Variants in ABCC4 observed in about 807,000 individuals in gnomAD.
The protein encoded by ABCC4 is ATP-binding cassette sub-family C member 4.
In ABCC4, 102 loss-of-function variants were observed where a neutral mutation model predicts 168.5. The observed-to-expected ratio is 0.61, with a 90% CI of 0.52 to 0.71. The LOEUF (loss-of-function observed/expected upper bound fraction) is 0.71, where lower values mean the gene tolerates loss of function less well. Ranked by LOEUF, ABCC4 falls within the 30% of genes least tolerant of loss-of-function variation. The probability of loss-of-function intolerance (pLI) is 0.00; values close to 1 mark genes in which losing one functional copy is unlikely to be tolerated. For synonymous variants in ABCC4, 617 were observed against 590.7 expected (o/e 1.04, Z -0.65); for missense variants, 1,402 against 1,605.8 (o/e 0.87, Z 2.17).
chr13:95,244,629 G>GAAAGAAAGAAAGAA lies in ABCC4; in HGVS notation c.306+2332_306+2345dup, dbSNP rs1388935409. 2.1e-4 allele frequency among the ~76,000 whole-genome samples: 16 copies of GAAAGAAAGAAAGAA among 76,204 alleles called. 5 individuals carry two copies. Among genetic ancestry groups the GAAAGAAAGAAAGAA allele is most frequent in the African/African-American group, 9.9e-4 (16 of 16,130 alleles). 50.0% of individuals were successfully genotyped at this position (76,204 alleles called of 152,430 possible). On this transcript the variant is annotated intron_variant, in intron 3 of 30. Transcript: ENST00000645237. ...AGAAAGAAAGAAAGAAAGAAAGAAA[G>GAAAGAAAGAAAGAA]AAAGAAAGAAAGAAAGAAAGAAAGA...
At chr13:95,232,046 C>T (rs1290376857) in intron 4 of ABCC4, among the ~76,000 whole-genome samples, 2 of 151,994 alleles carry the variant, frequency 1.3e-5, no homozygotes, top group East Asian at 3.9e-4. Flanking sequence ...TATAGAAAAA[C>T]CTGAGTATTC....
At chr13:95,092,975 C>T (rs981637236) in intron 20 of ABCC4, among the ~76,000 whole-genome samples, 14 of 152,112 alleles carry the variant, frequency 9.2e-5, no homozygotes, top group Admixed American at 2.6e-4. Context: ...AAATACAACC[C>T]TCCTAGCTTA....
Position 95,074,338 on chromosome 13 carries a change from C to G in ABCC4, c.2807-14G>C. On this transcript the variant is annotated splice_polypyrimidine_tract_variant and intron_variant, in intron 22 of 30. Transcript: ENST00000645237. ...AGAACCAAGCCTCTGAATTTGAGAA[C>G]GGTAATAAGCATGATGAATAAGTAG... is the stretch of plus-strand genomic sequence containing the variant. 8 of 1,584,108 alleles carry G rather than the reference C, an allele frequency of 5.1e-6. No individual in the cohort carries two copies. Among genetic ancestry groups the G allele is most frequent in the Non-Finnish European group, 6.9e-6 (8 of 1,156,620 alleles).
At chr13:95,256,204 G>A (rs1216092075) in intron 1 of ABCC4, among the ~76,000 whole-genome samples, 2 of 152,180 alleles carry the variant, frequency 1.3e-5, no homozygotes, top group Non-Finnish European at 2.9e-5. Context: ...TCGCATAGCT[G>A]AGACTGGAGG....
At chr13:95,023,573 C>G (rs1327257491) in intron 30 of ABCC4, among the ~76,000 whole-genome samples, 1 of 152,194 alleles carries the variant, frequency 6.6e-6, no homozygotes, top group Non-Finnish European at 1.5e-5. Context: ...CTACCAGCTG[C>G]CTCATCTGTA....
At chr13:95,188,235 T>C (rs1034299739) in intron 10 of ABCC4, among the ~76,000 whole-genome samples, 1 of 152,212 alleles carries the variant, frequency 6.6e-6, no homozygotes, top group African/African-American at 2.4e-5. Context: ...GAGTTCCCAA[T>C]TGCTCAACTT....
chr13:95,283,183 T>A lies in ABCC4; in HGVS notation c.74+18058A>T, dbSNP rs548123901. 2.0e-5 allele frequency among the ~76,000 whole-genome samples: 3 copies of A among 147,636 alleles called. No homozygotes were observed. In the East Asian group the frequency reaches 6.3e-4, roughly 31 times the overall value. On this transcript the variant is annotated intron_variant, in intron 1 of 30. Transcript: ENST00000645237. ...GTGAGCTGAGATAGCGCCACTGCAC[T>A]CCTGCCTGGGCAACAGAGCAAGACT...
intron 13 of ABCC4, among the ~76,000 whole-genome samples, chr13:95,176,160 G>C (rs1342563190): frequency 7.7e-6 from 1 of 129,810 alleles, no homozygotes; most frequent in African/African-American, 3.1e-5. Flanking sequence ...TAAAAAAAAA[G>C]ATTGTCGTAT....
intron 30 of ABCC4, among the ~76,000 whole-genome samples, chr13:95,029,746 G>A (rs753037871): frequency 6.6e-5 from 10 of 152,236 alleles, no homozygotes; most frequent in East Asian, 1.9e-4. Context: ...GCTAGAATTC[G>A]CTTATATTTG....
At chr13:95,058,747 A>C (rs1168055224) in intron 26 of ABCC4, among the ~76,000 whole-genome samples, 2 of 152,094 alleles carry the variant, frequency 1.3e-5, no homozygotes, top group Non-Finnish European at 2.9e-5. Flanking sequence ...GTAAGTTATT[A>C]ATCTCCCTGA....
intron 25 of ABCC4, among the ~76,000 whole-genome samples, chr13:95,064,297 T>TATATATACACAC (rs1555306881): frequency 5.7e-5 from 6 of 105,264 alleles, no homozygotes; most frequent in Non-Finnish European, 1.0e-4. Flanking sequence ...TATATATATA[T>TATATATACACAC]ACACACACAC....
intron 8 of ABCC4, among the ~76,000 whole-genome samples, chr13:95,204,845 T>A (rs1374289058): frequency 6.6e-6 from 1 of 152,112 alleles, no homozygotes; most frequent in African/African-American, 2.4e-5. Flanking sequence ...ATTGTGAGGA[T>A]AACATGAAAT....
intron 25 of ABCC4, among the ~76,000 whole-genome samples, chr13:95,069,336 A>G (rs149558588): frequency 3.0e-3 from 462 of 152,214 alleles, no homozygotes; most frequent in African/African-American, 0.011. Flanking sequence ...TGACTTTAAG[A>G]GGCTCAGGGT....
intron 4 of ABCC4, among the ~76,000 whole-genome samples, chr13:95,213,866 G>A (rs966452439): frequency 1.3e-5 from 2 of 151,896 alleles, no homozygotes; most frequent in African/African-American, 4.8e-5. Flanking sequence ...ATAGTATATC[G>A]ATCATAATGT....
intron 26 of ABCC4, among the ~76,000 whole-genome samples, chr13:95,054,973 C>T (rs9524784): frequency 0.021 from 3,135 of 151,152 alleles, 55 homozygotes; most frequent in Non-Finnish European, 0.033. Flanking sequence ...CAGCAAAATG[C>T]AAAAATGGAA....
intron 20 of ABCC4, 63 bp downstream of exon 20, chr13:95,115,859 G>T: frequency 7.1e-7 from 1 of 1,417,032 alleles, no homozygotes; most frequent in Non-Finnish European, 9.9e-7. Flanking sequence ...CCCATGAAAA[G>T]GGCTTGAAAA....
chr13:95,240,324 G>C (rs1203709916), intron 3 of ABCC4, among the ~76,000 whole-genome samples: 3 of 152,200 alleles, frequency 2.0e-5, no homozygotes, highest in Non-Finnish European at 4.4e-5. Flanking sequence ...TTGAGGTCAG[G>C]AGTTCGAGAC....
At chr13:95,220,787 G>C (rs1017747657) in intron 4 of ABCC4, among the ~76,000 whole-genome samples, 5 of 152,162 alleles carry the variant, frequency 3.3e-5, no homozygotes, top group African/African-American at 1.2e-4. Context: ...TTACCCCCAG[G>C]AGAGATCCAA....
intron 19 of ABCC4, among the ~76,000 whole-genome samples, chr13:95,148,595 C>T (rs1409123516): frequency 1.1e-5 from 1 of 90,774 alleles, no homozygotes; most frequent in East Asian, 4.5e-4. Context: ...CATCACAACA[C>T]ACACACACAC....
Sources: allele counts gnomAD v4.1 joint callset (sites outside exome capture counted in the v4.1 genomes callset), GRCh38; gene constraint gnomAD v4.1.1; transcripts MANE v1.5; gene names NCBI Gene and HGNC (gene_info 2026-07-23, HGNC 2026-07-21).